Variants in NRDC observed in about 807,000 individuals in gnomAD.
NRDC encodes nardilysin convertase.
Under a neutral mutation model 147.1 loss-of-function variants are expected in NRDC, and 54 were observed. The ratio of observed to expected loss-of-function variants is 0.37; its 90% confidence interval spans 0.29 to 0.46. The LOEUF (loss-of-function observed/expected upper bound fraction) is 0.46. Ranked by LOEUF, NRDC falls within the 20% of genes least tolerant of loss-of-function variation. NRDC has a pLI of 1.00. For synonymous variants in NRDC, 440 were observed against 482.1 expected (o/e 0.91, Z 1.14); for missense variants, 1,082 against 1,370.6 (o/e 0.79, Z 3.33).
In NRDC at chr1:51,798,189, T is replaced by A. The variant is rs754513081; in HGVS notation, c.2604+60A>T. On this transcript the variant is annotated intron_variant, in intron 22 of 30. Coordinates refer to ENST00000352171, the MANE Select transcript of NRDC (RefSeq NM_001101662.2). ...CAGCTTCCCCTTTAGGAAAGAACTA[T>A]GGCAATTCCAGAGTTCACAACTGCA... 3.2e-6 allele frequency: 5 copies of A among 1,540,994 alleles called. No homozygotes were observed. In the South Asian group the frequency reaches 5.7e-5, roughly 18 times the overall value.
At chr1:51,790,159 C>T (rs1678530997) in intron 29 of NRDC, among the ~76,000 whole-genome samples, 1 of 152,178 alleles carries the variant, frequency 6.6e-6, no homozygotes, top group East Asian at 1.9e-4. Flanking sequence ...GGTTTTACTA[C>T]TTTGGAATAG....
Position 51,878,726 on chromosome 1 carries a change from C to T in NRDC, c.-111G>A. ...GCTGCCGCAGCCGCGGGGAACAGGCCTGAACCCCTCCCCCAACCCAGTCTC... is the reference window on the plus strand; with the variant it reads ...GCTGCCGCAGCCGCGGGGAACAGGCTTGAACCCCTCCCCCAACCCAGTCTC... On this transcript the variant is annotated 5_prime_UTR_variant, in exon 1 of 31. Transcript: ENST00000352171. 3 of 915,282 alleles carry T rather than the reference C, an allele frequency of 3.3e-6. No homozygotes were observed. The South Asian group carries it at 5.0e-5, about 15-fold the overall frequency. The allele number at this position is 915,282 out of a possible 1,614,324, so 56.7% of individuals were successfully genotyped here.
At chr1:51,796,210 T>C (rs991602864) in intron 22 of NRDC, among the ~76,000 whole-genome samples, 2 of 151,676 alleles carry the variant, frequency 1.3e-5, no homozygotes, top group African/African-American at 2.4e-5. Flanking sequence ...TTATTTGGCC[T>C]AACATCAGGC....
Position 51,790,964 on chromosome 1 carries a change from T to A in NRDC, c.2987A>T (p.Glu996Val). ...CTCCTCAAAGCTAGAAAGAAACTCT[T>A]CTATCTTCTTATCAACAACTTCAGA... ...YNSEVVDKKIEEFLSSFEEKI... is the reference protein window; with the variant it reads ...YNSEVVDKKIVEFLSSFEEKI... Residue 996 changes from glutamate (E) to valine (V), a missense_variant, in exon 28 of 31, where the codon GAA becomes GTA. Glu to Val is a moderately radical substitution (Grantham distance 121). Transcript: ENST00000352171. 1 of 1,613,334 alleles carries A rather than the reference T, an allele frequency of 6.2e-7. No individual in the cohort carries two copies. Among genetic ancestry groups the A allele is most frequent in the Non-Finnish European group, 8.5e-7 (1 of 1,179,588 alleles).
chr1:51,845,996 A>G (rs1681549083), intron 1 of NRDC, among the ~76,000 whole-genome samples: 1 of 152,252 alleles, frequency 6.6e-6, no homozygotes, highest in African/African-American at 2.4e-5. Context: ...ACATGTATCC[A>G]TTAAATGCAT....
chr1:51,840,511 G>A lies in NRDC; in HGVS notation c.345C>T (p.Tyr115=), dbSNP rs1466959855. The part of the protein sequence containing the change: ...KSPSDPKQYR[Y]IKLQNGLQAL... ...CCTGCAAGCCATTCTGTAATTTGAT[G>A]TATCTGGGGGGAGAAAAAAAAAATC... Residue 115 remains tyrosine (Y), a synonymous_variant, in exon 2 of 31, where the codon TAC becomes TAT. Coordinates refer to ENST00000352171, the MANE Select transcript of NRDC (RefSeq NM_001101662.2). 1.3e-6 allele frequency: 2 copies of A among 1,588,696 alleles called. No homozygotes were observed. The highest frequency in any genetic ancestry group is 3.6e-5 in the Admixed American group (2 of 55,128).
chr1:51,806,661 G>A, intron 18 of NRDC, 133 bp downstream of exon 18: 1 of 826,278 alleles, frequency 1.2e-6, no homozygotes. Flanking sequence ...CAAGGTGGCT[G>A]ATAGAGGCAC....
At chr1:51,807,435 G>C (rs1351364088) in intron 17 of NRDC, among the ~76,000 whole-genome samples, 1 of 152,120 alleles carries the variant, frequency 6.6e-6, no homozygotes, top group Admixed American at 6.5e-5. Flanking sequence ...TGGTAGGCAT[G>C]GTGGCTCATG....
At chr1:51,800,707 T>G (rs1171456920) in intron 20 of NRDC, 24 bp from the exon 21 acceptor site, 1 of 1,608,198 alleles carries the variant, frequency 6.2e-7, no homozygotes, top group Non-Finnish European at 8.5e-7. Context: ...AAGGAAGCAT[T>G]TTAAGAAGCA....
intron 1 of NRDC, chr1:51,862,325 C>G (rs573957220): frequency 6.6e-6 from 1 of 151,768 alleles, no homozygotes; most frequent in African/African-American, 2.4e-5. Context: ...GCGGCACAGG[C>G]AGGAGGATCA....
At chr1:51,827,967 T>G in intron 4 of NRDC, 98 bp from the exon 5 acceptor site, 1 of 883,222 alleles carries the variant, frequency 1.1e-6, no homozygotes, top group East Asian at 2.6e-5. Context: ...GGAGATTTAA[T>G]TCACAATCCT....
rs1336451444 is a variant in NRDC, at chr1:51,834,089, G to C, written c.794C>G (p.Ala265Gly). ...FLKKHGGSDN[A>G]STDCERTVFQ... Reference sequence around the variant, plus strand: ...GACAGTGCGTTCACAATCAGTTGAGGCATTATCACTACCCCCATGCTTCTT... The same window carrying C: ...GACAGTGCGTTCACAATCAGTTGAGCCATTATCACTACCCCCATGCTTCTT... The change falls in exon 4 of 31, where the codon GCC (alanine) becomes GGC (glycine). Residue 265 changes from alanine (A) to glycine (G), a missense_variant. This residue lies in a region of NRDC where 635 missense variants were observed against 923.8 expected (regional missense o/e 0.69). Coordinates refer to ENST00000352171, the MANE Select transcript of NRDC (RefSeq NM_001101662.2). 1.2e-6 allele frequency: 2 copies of C among 1,614,006 alleles called. No individual in the cohort carries two copies. Among genetic ancestry groups the C allele is most frequent in the Non-Finnish European group, 8.5e-7 (1 of 1,179,960 alleles).
intron 1 of NRDC, among the ~76,000 whole-genome samples, chr1:51,852,241 T>A (rs1024275882): frequency 6.6e-6 from 1 of 151,780 alleles, no homozygotes; most frequent in African/African-American, 2.4e-5. Flanking sequence ...GTTGAAGTCA[T>A]AACCCTGGCT....
rs758859081 is a variant in NRDC at position 51,823,647 on chromosome 1, C to A, written c.1159+17G>T. ...CGCTACTTCAAGGTAACTCTAAGAG[C>A]CATAATTAATAGTTACCTTTGGATT... On this transcript the variant is annotated intron_variant, in intron 7 of 30. Transcript: ENST00000352171. The A allele has an allele frequency of 1.9e-6, 3 of 1,598,912 alleles. No homozygotes were observed. The highest frequency in any genetic ancestry group is 1.7e-6 in the Non-Finnish European group (2 of 1,170,390).
chr1:51,857,483 C>CA (rs1682309385), intron 1 of NRDC, among the ~76,000 whole-genome samples: 1 of 152,192 alleles, frequency 6.6e-6, no homozygotes, highest in Admixed American at 6.5e-5. Context: ...CTAAGGTTTT[C>CA]AACAGATGTC....
intron 22 of NRDC, chr1:51,795,074 G>A (rs1678834518): frequency 6.9e-7 from 1 of 1,456,530 alleles, no homozygotes; most frequent in Non-Finnish European, 9.1e-7. Flanking sequence ...GGCTCTCTTG[G>A]CAATCTGTTT....
intron 1 of NRDC, among the ~76,000 whole-genome samples, chr1:51,849,748 G>A (rs1156456804): frequency 3.3e-5 from 5 of 151,954 alleles, no homozygotes; most frequent in Admixed American, 6.5e-5. Flanking sequence ...CCAGGGAGGC[G>A]GAGCTTGCAG....
intron 1 of NRDC, among the ~76,000 whole-genome samples, chr1:51,853,223 A>AT (rs1397609758): frequency 0.018 from 2,623 of 149,624 alleles, 65 homozygotes; most frequent in African/African-American, 0.056. Context: ...CTCCAAAAAA[A>AT]AATATATATA....
intron 17 of NRDC, among the ~76,000 whole-genome samples, chr1:51,807,293 C>T (rs1679511368): frequency 6.6e-6 from 1 of 152,206 alleles, no homozygotes. Flanking sequence ...TGAAAAGTTA[C>T]AAAATAGTTC....
Sources: allele counts gnomAD v4.1 joint callset (sites outside exome capture counted in the v4.1 genomes callset), GRCh38; gene constraint gnomAD v4.1.1; regional missense constraint gnomAD v4.1.1; transcripts MANE v1.5; gene names NCBI Gene and HGNC (gene_info 2026-07-23, HGNC 2026-07-21).